Variants in FLNA observed in about 807,000 individuals in gnomAD.
FLNA encodes the protein filamin-A.
In FLNA, 7 loss-of-function variants were observed where a neutral mutation model predicts 157.6. The ratio of observed to expected loss-of-function variants is 0.04; its 90% CI spans 0.03 to 0.08. The LOEUF (loss-of-function observed/expected upper bound fraction) is 0.08. FLNA is among the 10% of genes least tolerant of loss of function. The pLI is 1.00. For synonymous variants in FLNA, 1,103 were observed against 1,060.8 expected (o/e 1.04, Z -0.77); for missense variants, 1,750 against 2,398.4 (o/e 0.73, Z 5.65).
intron 42 of FLNA, 84 bp from the exon 43 acceptor site, chrX:154,351,780 T>C (rs2067621788): frequency 1.7e-6 from 2 of 1,149,095 alleles, no homozygotes. Context: ...CCCTGTGACC[T>C]CAAAGTGAAG....
chrX:154,366,912 C>T, intron 5 of FLNA, 62 bp from the exon 6 acceptor site: 30 of 896,557 alleles, frequency 3.3e-5, no homozygotes, highest in Non-Finnish European at 4.6e-5. Context: ...CACCCCTCCA[C>T]CCTTCAGCCC....
Position 154,354,898 on chromosome X carries a change from G to A in FLNA, c.5144C>T (p.Pro1715Leu). ...DGTFDIFYTA[P>L]QPGKYVICVR... Reference sequence around the variant, plus strand: ...ACAGATGACGTATTTGCCCGGCTGGGGGGCCGTGTAGAAGATGTCGAAAGT... The same window carrying A: ...ACAGATGACGTATTTGCCCGGCTGGAGGGCCGTGTAGAAGATGTCGAAAGT... Residue 1715 changes from proline (P) to leucine (L), a missense_variant, in exon 31 of 48, where the codon CCC (proline) becomes CTC (leucine). This residue lies in a region of FLNA where 970 missense variants were observed against 1,302.6 expected (regional missense o/e 0.74). Coordinates refer to ENST00000369850, the MANE Select transcript of FLNA (RefSeq NM_001110556.2). The A allele has an allele frequency of 8.3e-7, 1 of 1,212,073 alleles. No individual in the cohort carries two copies. The highest frequency in any genetic ancestry group is 1.1e-6 in the Non-Finnish European group (1 of 895,608).
At position 154,354,729 on chromosome X, in the gene FLNA, G is replaced by T; in HGVS notation, c.5218-18C>A. ...GCCAGAGCCTGCAGGGCAAAGCAGA[G>T]AGCTGCTGGAGAGTCTGTTGTCACA... On this transcript the variant is annotated intron_variant, in intron 31 of 47. Coordinates refer to ENST00000369850, the MANE Select transcript of FLNA (RefSeq NM_001110556.2). 1 of 1,207,851 alleles carries T rather than the reference G, an allele frequency of 8.3e-7. No homozygotes were observed. The highest frequency in any genetic ancestry group is 2.2e-5 in the Admixed American group (1 of 45,942).
At chrX:154,362,361 G>A in intron 17 of FLNA, 29 bp from the exon 18 acceptor site, 3 of 1,208,709 alleles carry the variant, frequency 2.5e-6, no homozygotes, top group Non-Finnish European at 3.4e-6. Flanking sequence ...GAAGGCCTTA[G>A]AGGAGGGCAG....
chrX:154,355,239 G>A (rs2067654096), intron 30 of FLNA, among the ~76,000 whole-genome samples, 167 bp from the exon 31 acceptor site: 1 of 113,635 alleles, frequency 8.8e-6, no homozygotes, highest in South Asian at 3.5e-4. Flanking sequence ...GATGGCGAGT[G>A]GTTTCTCAGA....
At chrX:154,372,232 G>C (rs1303194114) in intron 1 of FLNA, among the ~76,000 whole-genome samples, 3 of 113,352 alleles carry the variant, frequency 2.6e-5, no homozygotes, top group Non-Finnish European at 5.6e-5. Flanking sequence ...AGAGACGTGT[G>C]CCCGCCTAAC....
In FLNA at chrX:154,351,641, G is replaced by T; in HGVS notation, c.6963C>A (p.Phe2321Leu). ...CAGACGGAGAAGCCACAGGCACCACGAAGGGGCTGTCGGGAATGTGTTCCT... is the reference window on the plus strand; with the variant it reads ...CAGACGGAGAAGCCACAGGCACCACTAAGGGGCTGTCGGGAATGTGTTCCT... ...FNEEHIPDSP[F>L]VVPVASPSGD... The change falls in exon 43 of 48, where the codon TTC becomes TTA. Residue 2321 changes from phenylalanine to leucine, a missense_variant. Coordinates refer to ENST00000369850, the MANE Select transcript of FLNA (RefSeq NM_001110556.2). The T allele has an allele frequency of 8.3e-7, 1 of 1,209,983 alleles. No homozygotes were observed. The highest frequency in any genetic ancestry group is 1.8e-5 in the South Asian group (1 of 56,974).
chrX:154,355,176 C>T, intron 30 of FLNA, 104 bp from the exon 31 acceptor site: 1 of 910,600 alleles, frequency 1.1e-6, no homozygotes, highest in Non-Finnish European at 1.5e-6. Flanking sequence ...TTGCCACCAC[C>T]AAGCACAGCC....
intron 2 of FLNA, 87 bp from the exon 3 acceptor site, chrX:154,368,177 G>A: frequency 8.6e-7 from 1 of 1,158,666 alleles, no homozygotes. Flanking sequence ...TGGCAGCACG[G>A]GGTAGCAGGG....
At position 154,351,868 on chromosome X, in the gene FLNA, G is replaced by A; in HGVS notation, c.6907+16C>T. On this transcript the variant is annotated intron_variant, in intron 42 of 47. Transcript: ENST00000369850. The stretch of plus-strand genomic sequence containing the variant: ...TCAGGCCCCACCTCCTCCAACCCCA[G>A]CCGGGTTCCCAGTACCTGGCTCCTG... 11 of 1,210,547 alleles carry A rather than the reference G, an allele frequency of 9.1e-6. No individual in the cohort carries two copies. The highest frequency in any genetic ancestry group is 1.2e-5 in the Non-Finnish European group (11 of 894,855).
chrX:154,368,278 G>C (rs2067778484), intron 2 of FLNA, among the ~76,000 whole-genome samples, 188 bp from the exon 3 acceptor site: 1 of 111,451 alleles, frequency 9.0e-6, no homozygotes, highest in African/African-American at 3.3e-5. Context: ...GTTCAGAGGT[G>C]AAGGAGACTT....
intron 31 of FLNA, 47 bp from the exon 32 acceptor site, chrX:154,354,758 G>C: frequency 8.3e-7 from 1 of 1,209,232 alleles, no homozygotes; most frequent in African/African-American, 1.7e-5. Context: ...TGTCACAGAG[G>C]GGCCCCAGGG....
Position 154,359,358 on chromosome X carries a change from C to T in FLNA, c.4191G>A (p.Glu1397=). 1 of 1,211,382 alleles carries T rather than the reference C, an allele frequency of 8.3e-7. No homozygotes were observed. The highest frequency in any genetic ancestry group is 1.1e-6 in the Non-Finnish European group (1 of 895,541). Residue 1397 remains glutamate (E), a synonymous_variant, in exon 25 of 48, where the codon GAG becomes GAA. Transcript: ENST00000369850. ...TGTTATCCATGCAGGACATCTTGGC[C>T]TCGGAGGGGCCCTCTACAGCCAGGC... ...GLGLAVEGPS[E]AKMSCMDNKD...
rs2067686225 is a variant in FLNA, at chrX:154,359,315, C to T, written c.4234G>A (p.Val1412Ile). Reference sequence around the variant, plus strand: ...CCAGCCTCATAAGGGATGTACTCGACCGAGCAGCTGCCGTCCTTGTTATCC... The same window carrying T: ...CCAGCCTCATAAGGGATGTACTCGATCGAGCAGCTGCCGTCCTTGTTATCC... The part of the protein sequence containing the change: ...CMDNKDGSCS[V>I]EYIPYEAGTY... The change falls in exon 25 of 48, where the codon GTC (valine) becomes ATC (isoleucine). Residue 1412 changes from valine (V) to isoleucine (I), a missense_variant. By Grantham distance (29) the Val-to-Ile change is conservative. Coordinates refer to ENST00000369850, the MANE Select transcript of FLNA (RefSeq NM_001110556.2). The T allele has an allele frequency of 5.0e-6, 6 of 1,211,292 alleles. No homozygotes were observed. The highest frequency in any genetic ancestry group is 6.7e-6 in the Non-Finnish European group (6 of 895,533).
At chrX:154,361,051 A>C (rs2067703450) in intron 21 of FLNA, among the ~76,000 whole-genome samples, 1 of 76,870 alleles carries the variant, frequency 1.3e-5, no homozygotes, top group African/African-American at 6.9e-5. Flanking sequence ...TTTCTCAAAA[A>C]AAAAAAAAAA....
At position 154,359,034 on chromosome X, in the gene FLNA, G is replaced by C; in HGVS notation, c.4424C>G (p.Thr1475Arg). The change falls in exon 26 of 48, where the codon ACA becomes AGA. Residue 1475 changes from threonine (T) to arginine (R), a missense_variant. Physicochemically the swap from Thr to Arg is moderately conservative, Grantham distance 71. Around this residue, in one of 5 missense-constraint regions of FLNA, gnomAD observed 970 missense variants for 1,302.6 expected, o/e 0.74. Transcript: ENST00000369850. ...ANLPQSFQVD[T>R]SKAGVAPLQV... ...CAATGGGGCCACACCAGCCTTGCTT[G>C]TGTCCACCTGGAAGGACTGAGGGAG... 8.3e-7 allele frequency: 1 copy of C among 1,211,374 alleles called. No homozygotes were observed. Among genetic ancestry groups the C allele is most frequent in the Non-Finnish European group, 1.1e-6 (1 of 895,442 alleles).
At position 154,353,988 on chromosome X, in the gene FLNA, A is replaced by G. The variant is rs782317244; in HGVS notation, c.5613T>C (p.Tyr1871=). Residue 1871 remains tyrosine, a synonymous_variant, in exon 35 of 48, where the codon TAT becomes TAC. Coordinates refer to ENST00000369850, the MANE Select transcript of FLNA (RefSeq NM_001110556.2). The part of the protein sequence containing the change: ...DYVNCGHVTA[Y]GPGLTHGVVN... ...CTACTCCATGGGTGAGGCCAGGCCCATAGGCAGTGACATGGCCACAGTTGA... is the reference window on the plus strand; with the variant it reads ...CTACTCCATGGGTGAGGCCAGGCCCGTAGGCAGTGACATGGCCACAGTTGA... 1.1e-5 allele frequency: 13 copies of G among 1,211,448 alleles called. No individual in the cohort carries two copies. Among genetic ancestry groups the G allele is most frequent in the Non-Finnish European group, 8.9e-6 (8 of 894,953 alleles).
intron 1 of FLNA, among the ~76,000 whole-genome samples, chrX:154,372,758 T>G (rs1258610842): frequency 1.9e-5 from 2 of 107,921 alleles, no homozygotes; most frequent in Non-Finnish European, 3.8e-5. Flanking sequence ...AAGGCAGGTA[T>G]CTGTCCCTCC....
rs781972193 is a variant in FLNA, at chrX:154,351,945, C to T, written c.6846G>A (p.Glu2282=). The T allele has an allele frequency of 4.1e-6, 5 of 1,211,769 alleles. No individual in the cohort carries two copies. In the East Asian group the frequency reaches 1.5e-4, roughly 36 times the overall value. The change falls in exon 42 of 48, where the codon GAG becomes GAA. Residue 2282 remains glutamate, a synonymous_variant. Transcript: ENST00000369850. ...CGTCCTTGCGGTCCTCAAAAGAGAT[C>T]TCAGCCTTGCTGGGGCCCTCGACAG... ...AIAVEGPSKA[E]ISFEDRKDGS...
Sources: allele counts gnomAD v4.1 joint callset (sites outside exome capture counted in the v4.1 genomes callset), GRCh38; gene constraint gnomAD v4.1.1; regional missense constraint gnomAD v4.1.1; transcripts MANE v1.5; gene names NCBI Gene and HGNC (gene_info 2026-07-23, HGNC 2026-07-21).